The following TMEFF2 variants were observed in gnomAD, a reference collection of about 807,000 sequenced individuals.
TMEFF2 encodes the protein transmembrane protein with EGF like and two follistatin like domains 2.
Under a neutral mutation model 53.8 loss-of-function variants are expected in TMEFF2, and 28 were observed. The observed-to-expected ratio is 0.52, with a 90% CI of 0.39 to 0.71. TMEFF2 has a LOEUF of 0.71. TMEFF2 is among the 30% of genes least tolerant of loss of function. The pLI, the probability that TMEFF2 is intolerant of heterozygous loss-of-function variation, is 0.00. For synonymous variants in TMEFF2, 162 were observed against 166.3 expected, an observed-to-expected ratio of 0.97 and a Z score of 0.20; for missense variants, 353 against 455.2, an observed-to-expected ratio of 0.78 and a Z score of 2.04.
At chr2:192,063,339 T>C (rs959476004) in intron 4 of TMEFF2, among the ~76,000 whole-genome samples, 3 of 151,936 alleles carry the variant, frequency 2.0e-5, no homozygotes, top group African/African-American at 7.2e-5. Context: ...TCCAAATCTT[T>C]GGGGGGTTTT....
chr2:192,193,371 C>G (rs530426938), intron 1 of TMEFF2, among the ~76,000 whole-genome samples: 1 of 152,302 alleles, frequency 6.6e-6, no homozygotes, highest in South Asian at 2.1e-4. Context: ...AATGCTATGC[C>G]AGCTAGGAGT....
At chr2:192,132,615 A>G (rs1689871578) in intron 4 of TMEFF2, among the ~76,000 whole-genome samples, 1 of 151,968 alleles carries the variant, frequency 6.6e-6, no homozygotes, top group African/African-American at 2.4e-5. Context: ...CCCCAGCCAC[A>G]TCTCCAGCAC....
chr2:192,112,939 C>T (rs1689318670), intron 4 of TMEFF2, among the ~76,000 whole-genome samples: 1 of 152,136 alleles, frequency 6.6e-6, no homozygotes, highest in Non-Finnish European at 1.5e-5. Flanking sequence ...GAGGCCTCCT[C>T]AGCCACGTGG....
intron 4 of TMEFF2, among the ~76,000 whole-genome samples, chr2:192,133,752 A>G (rs1316622799): frequency 2.6e-5 from 4 of 152,342 alleles, no homozygotes; most frequent in Non-Finnish European, 4.4e-5. Flanking sequence ...CATCAGGCTC[A>G]GCAGATTACC....
intron 4 of TMEFF2, among the ~76,000 whole-genome samples, chr2:192,164,449 G>A (rs572438353): frequency 6.6e-6 from 1 of 152,220 alleles, no homozygotes; most frequent in South Asian, 2.1e-4. Flanking sequence ...GTAATTACAG[G>A]CCAGGCGCGG....
chr2:192,157,291 C>T (rs147531884), intron 4 of TMEFF2, among the ~76,000 whole-genome samples: 1 of 152,022 alleles, frequency 6.6e-6, no homozygotes, highest in African/African-American at 2.4e-5. Context: ...GATTTTGTCT[C>T]TTAGTAACCT....
intron 7 of TMEFF2, among the ~76,000 whole-genome samples, chr2:191,967,108 T>A (rs1424512887): frequency 6.6e-6 from 1 of 152,144 alleles, no homozygotes; most frequent in African/African-American, 2.4e-5. Flanking sequence ...AGAAATGTTT[T>A]GTATTATTTA....
intron 4 of TMEFF2, among the ~76,000 whole-genome samples, chr2:192,166,697 G>A (rs1021641715): frequency 6.6e-6 from 1 of 152,110 alleles, no homozygotes; most frequent in Non-Finnish European, 1.5e-5. Flanking sequence ...CAACAAAATG[G>A]AGAGACTCCA....
intron 3 of TMEFF2, 142 bp from the exon 4 acceptor site, chr2:192,179,836 T>C (rs1474015585): frequency 2.4e-5 from 14 of 580,482 alleles, no homozygotes; most frequent in African/African-American, 3.9e-5. Context: ...AAAACGTACA[T>C]TCACATCAAT....
At position 192,042,514 on chromosome 2, in the gene TMEFF2, A is replaced by G. The variant is rs562776310; in HGVS notation, c.536+15165T>C. Among the ~76,000 whole-genome samples the G allele has an allele frequency of 2.0e-5, 3 of 152,322 alleles. No homozygotes were observed. The South Asian group carries it at 6.2e-4, about 32-fold the overall frequency. On this transcript the variant is annotated intron_variant, in intron 5 of 9. Transcript: ENST00000272771. ...GAAGAGGTGTGCTACACTCCAAAAG[A>G]ACTACCTAAGTTCCTAACTTATACA...
chr2:192,179,797 G>A, intron 3 of TMEFF2, 103 bp from the exon 4 acceptor site: 1 of 1,019,182 alleles, frequency 9.8e-7, no homozygotes, highest in Non-Finnish European at 1.4e-6. Flanking sequence ...CAATAATATT[G>A]TTTGAGAAAA....
intron 5 of TMEFF2, among the ~76,000 whole-genome samples, chr2:192,022,749 T>A (rs2105862492): frequency 6.6e-6 from 1 of 152,294 alleles, no homozygotes; most frequent in African/African-American, 2.4e-5. Flanking sequence ...TTGGATTTAC[T>A]TGGACTCAGG....
intron 4 of TMEFF2, among the ~76,000 whole-genome samples, chr2:192,115,416 G>T (rs1246560682): frequency 6.6e-6 from 1 of 151,794 alleles, no homozygotes; most frequent in Non-Finnish European, 1.5e-5. Context: ...CATCAATCTT[G>T]GCATCTTGGC....
intron 4 of TMEFF2, among the ~76,000 whole-genome samples, chr2:192,096,488 AT>A (rs903202614): frequency 6.6e-6 from 1 of 152,052 alleles, no homozygotes; most frequent in Non-Finnish European, 1.5e-5. Context: ...CCTACAAACA[AT>A]TTTGTTTTAC....
At chr2:192,123,333 TTA>T (rs1689603393) in intron 4 of TMEFF2, among the ~76,000 whole-genome samples, 1 of 152,318 alleles carries the variant, frequency 6.6e-6, no homozygotes, top group South Asian at 2.1e-4. Context: ...ATAAATAAGT[TTA>T]TGTTTTTTTT....
intron 4 of TMEFF2, among the ~76,000 whole-genome samples, chr2:192,074,059 C>T (rs374425071): frequency 1.3e-5 from 2 of 151,946 alleles, no homozygotes; most frequent in Non-Finnish European, 2.9e-5. Context: ...ACTGAGATCA[C>T]TCATCAAATA....
At chr2:192,141,310 G>A (rs572909152) in intron 4 of TMEFF2, among the ~76,000 whole-genome samples, 2 of 151,748 alleles carry the variant, frequency 1.3e-5, no homozygotes, top group Non-Finnish European at 1.5e-5. Flanking sequence ...AAAATTAGCC[G>A]GGCATGGTGG....
intron 4 of TMEFF2, among the ~76,000 whole-genome samples, chr2:192,096,796 C>T (rs944762192): frequency 1.3e-5 from 2 of 150,708 alleles, no homozygotes; most frequent in Non-Finnish European, 2.9e-5. Context: ...CCTGCCCAAG[C>T]TTCTCGAGTA....
intron 4 of TMEFF2, among the ~76,000 whole-genome samples, chr2:192,081,415 C>A (rs1338712754): frequency 6.6e-6 from 1 of 152,096 alleles, no homozygotes; most frequent in Non-Finnish European, 1.5e-5. Context: ...TTCTTTCCAG[C>A]CTTATTAATT....
Sources: allele counts gnomAD v4.1 joint callset (sites outside exome capture counted in the v4.1 genomes callset), GRCh38; gene constraint gnomAD v4.1.1; transcripts MANE v1.5; gene names NCBI Gene and HGNC (gene_info 2026-07-23, HGNC 2026-07-21).